ZC3H15: variants seen among roughly 807,000 people sequenced by gnomAD.
ZC3H15 encodes the protein zinc finger CCCH domain-containing protein 15.
Under a neutral mutation model 51.2 loss-of-function variants are expected in ZC3H15, and 15 were observed. The ratio of observed to expected loss-of-function variants is 0.29; its 90% CI spans 0.20 to 0.45. ZC3H15 has a LOEUF of 0.45. Among genes scored for constraint, ZC3H15 ranks in the 20% least tolerant of loss-of-function variants. The pLI is 1.00. For synonymous variants in ZC3H15, 144 were observed against 162.8 expected (o/e 0.88, Z 0.88); for missense variants, 381 against 494.7 (o/e 0.77, Z 2.18).
chr2:186,506,607 G>T, intron 8 of ZC3H15, 106 bp from the exon 9 acceptor site: 2 of 1,319,258 alleles, frequency 1.5e-6, no homozygotes, highest in Non-Finnish European at 2.1e-6. Flanking sequence ...TTGGTCTTTT[G>T]TTTTCACTTG....
At chr2:186,501,525 ACT>A (rs1491140129) in intron 4 of ZC3H15, 100 bp downstream of exon 4, 1 of 1,026,382 alleles carries the variant, frequency 9.7e-7, no homozygotes, top group Non-Finnish European at 1.4e-6. Context: ...ATCTTAATAG[ACT>A]GTTTATAAAA....
rs754673963 is a variant in ZC3H15, at chr2:186,486,358, C to G, written c.-25C>G. On this transcript the variant is annotated 5_prime_UTR_variant, in exon 1 of 10. Coordinates refer to ENST00000337859, the MANE Select transcript of ZC3H15 (RefSeq NM_018471.3). ...TGACGGTATTCAGCTGCGCGTAAGT[C>G]TGGCCGGTGCCATCTGTCTCCGCAA... The G allele has an allele frequency of 3.0e-5, 46 of 1,526,606 alleles. No individual in the cohort carries two copies. Among genetic ancestry groups the G allele is most frequent in the Non-Finnish European group, 4.0e-5 (45 of 1,132,364 alleles). The allele number at this position is 1,526,606 out of a possible 1,614,324, so 94.6% of individuals were successfully genotyped here. A position where few individuals can be genotyped will look rare whatever the true frequency, so the allele number is the denominator to read the frequency against.
At chr2:186,490,486 A>C (rs1056254205) in intron 1 of ZC3H15, among the ~76,000 whole-genome samples, 6 of 152,206 alleles carry the variant, frequency 3.9e-5, no homozygotes, top group Non-Finnish European at 8.8e-5. Flanking sequence ...GCCAAAATCA[A>C]ATGTTGATTA....
At chr2:186,501,227 C>A in intron 3 of ZC3H15, 46 bp from the exon 4 acceptor site, 1 of 1,510,434 alleles carries the variant, frequency 6.6e-7, no homozygotes. Context: ...CTATACTTTA[C>A]AGCCTGGCAG....
intron 1 of ZC3H15, chr2:186,488,700 T>C (rs575271442): frequency 6.6e-6 from 1 of 152,374 alleles, no homozygotes; most frequent in Non-Finnish European, 1.5e-5. Flanking sequence ...ATTTTGTGGC[T>C]AATGGAGTCA....
At chr2:186,487,466 G>A (rs1685119408) in intron 1 of ZC3H15, 1 of 152,162 alleles carries the variant, frequency 6.6e-6, no homozygotes, top group Non-Finnish European at 1.5e-5. Flanking sequence ...ACCGCATAAG[G>A]TGTAAAGTCT....
chr2:186,487,974 G>T (rs1439398547), intron 1 of ZC3H15, among the ~76,000 whole-genome samples: 1 of 152,092 alleles, frequency 6.6e-6, no homozygotes, highest in Non-Finnish European at 1.5e-5. Flanking sequence ...CATATGTTAT[G>T]ATTCTAGTCA....
At position 186,505,444 on chromosome 2, in the gene ZC3H15, A is replaced by G. The variant is rs777519478; in HGVS notation, c.718-7A>G. On this transcript the variant is annotated splice_polypyrimidine_tract_variant and splice_region_variant and intron_variant, in intron 6 of 9. Transcript: ENST00000337859. ...GTGGAAAAAAAATTAATTCTTTACC[A>G]TTGCAGCGTTCTGCCCTAGGTCCAA... 3 of 1,529,928 alleles carry G rather than the reference A, an allele frequency of 2.0e-6. No individual in the cohort carries two copies. The highest frequency in any genetic ancestry group is 1.4e-5 in the African/African-American group (1 of 71,838). 94.8% of individuals were successfully genotyped at this position (1,529,928 alleles called of 1,614,324 possible).
rs369951838 is a variant in ZC3H15 at position 186,501,337 on chromosome 2, G to A, written c.354G>A (p.Lys118=). Residue 118 remains lysine (K), a synonymous_variant, in exon 4 of 10, where the codon AAG becomes AAA. Coordinates refer to ENST00000337859, the MANE Select transcript of ZC3H15 (RefSeq NM_018471.3). Reference sequence around the variant, plus strand: ...AAGGACAGTGTACTAAAGGAGATAAGTGTAAGTTCTCCCATGACTTGACTC... The same window carrying A: ...AAGGACAGTGTACTAAAGGAGATAAATGTAAGTTCTCCCATGACTTGACTC... ...FKQGQCTKGD[K]CKFSHDLTLE... 1.9e-6 allele frequency: 3 copies of A among 1,613,922 alleles called. No homozygotes were observed. Among genetic ancestry groups the A allele is most frequent in the Non-Finnish European group, 2.5e-6 (3 of 1,179,900 alleles).
At chr2:186,502,372 C>A in intron 4 of ZC3H15, 124 bp from the exon 5 acceptor site, 1 of 796,246 alleles carries the variant, frequency 1.3e-6, no homozygotes. Flanking sequence ...CCCGTCTCAA[C>A]AAAAAGAAAA....
At chr2:186,497,062 C>CT (rs113828257) in intron 2 of ZC3H15, 1,152 of 353,966 alleles carry the variant, frequency 3.3e-3, no homozygotes, top group South Asian at 5.2e-3. Context: ...AATGTAGCCC[C>CT]TTTTTTTTTC....
intron 1 of ZC3H15, among the ~76,000 whole-genome samples, chr2:186,487,622 T>C (rs1395898727): frequency 1.3e-5 from 2 of 152,202 alleles, no homozygotes; most frequent in East Asian, 3.9e-4. Flanking sequence ...AAACAAAATA[T>C]TACCTTCACA....
chr2:186,487,562 C>T (rs1442432), intron 1 of ZC3H15, among the ~76,000 whole-genome samples: 149,639 of 152,356 alleles, frequency 0.98, 73,528 homozygotes, highest in Middle Eastern at 1. Context: ...TTCTTATTGC[C>T]AATTTGTACA....
chr2:186,497,660 C>T (rs1391127403), intron 2 of ZC3H15, among the ~76,000 whole-genome samples: 1 of 152,188 alleles, frequency 6.6e-6, no homozygotes, highest in Admixed American at 6.5e-5. Flanking sequence ...AAGAAGAACT[C>T]ACTTTCTTCA....
chr2:186,489,437 T>C (rs1415617885), intron 1 of ZC3H15, among the ~76,000 whole-genome samples: 4 of 152,218 alleles, frequency 2.6e-5, no homozygotes, highest in African/African-American at 9.6e-5. Flanking sequence ...TTGATCTCTG[T>C]GACTGTTATA....
rs980804908 is a variant in ZC3H15, at chr2:186,489,386, T to G, written c.75+2929T>G. Reference sequence around the variant, plus strand: ...AGGCAACTTTTTTTTTAAACTTCCCTAAAAGCCTAGCACGTCTCAGTGACT... The same window carrying G: ...AGGCAACTTTTTTTTTAAACTTCCCGAAAAGCCTAGCACGTCTCAGTGACT... On this transcript the variant is annotated intron_variant, in intron 1 of 9. Transcript: ENST00000337859. Among the ~76,000 whole-genome samples the G allele has an allele frequency of 6.6e-5, 10 of 152,192 alleles. No homozygotes were observed. The East Asian group carries it at 1.9e-3, about 29-fold the overall frequency.
intron 1 of ZC3H15, among the ~76,000 whole-genome samples, chr2:186,487,867 CTAAT>C (rs989454823): frequency 2.6e-4 from 39 of 152,230 alleles, no homozygotes; most frequent in African/African-American, 8.2e-4. Context: ...TTCTCTATAT[CTAAT>C]TGTTTTATTT....
At chr2:186,495,138 T>A (rs1456854473) in intron 1 of ZC3H15, 95 bp from the exon 2 acceptor site, 6 of 709,218 alleles carry the variant, frequency 8.5e-6, no homozygotes, top group Non-Finnish European at 1.3e-5. Context: ...TAGTAAAGAA[T>A]AATTATCAAT....
In ZC3H15 at chr2:186,495,305, G is replaced by C. The variant is rs1685264771; in HGVS notation, c.148G>C (p.Val50Leu). ...GTTTATCAAGGCTGTCACACATCAAGTTAAATTTGGTCAACAAAATCCACG... is the reference window on the plus strand; with the variant it reads ...GTTTATCAAGGCTGTCACACATCAACTTAAATTTGGTCAACAAAATCCACG... ...QKFIKAVTHQ[V>L]KFGQQNPRQV... Residue 50 changes from valine (V) to leucine (L), a missense_variant, in exon 2 of 10, where the codon GTT (valine) becomes CTT (leucine). Transcript: ENST00000337859. The C allele has an allele frequency of 6.5e-7, 1 of 1,547,218 alleles. No homozygotes were observed. The highest frequency in any genetic ancestry group is 8.7e-7 in the Non-Finnish European group (1 of 1,151,710).
Sources: allele counts gnomAD v4.1 joint callset (sites outside exome capture counted in the v4.1 genomes callset), GRCh38; gene constraint gnomAD v4.1.1; transcripts MANE v1.5; gene names NCBI Gene and HGNC (gene_info 2026-07-23, HGNC 2026-07-21).